The following HGSNAT variants were observed in gnomAD, a reference collection of about 807,000 sequenced individuals.
HGSNAT encodes heparan-alpha-glucosaminide N-acetyltransferase.
Under a neutral mutation model 85.2 loss-of-function variants are expected in HGSNAT, and 59 were observed. The ratio of observed to expected loss-of-function variants is 0.69; its 90% CI spans 0.56 to 0.86. The LOEUF (loss-of-function observed/expected upper bound fraction) is 0.86, where lower values mean the gene tolerates loss of function less well. HGSNAT is among the 40% of genes least tolerant of loss of function. HGSNAT has a pLI of 0.00. For missense variants in HGSNAT, 756 were observed against 777.1 expected (o/e 0.97, Z 0.32); for synonymous variants, 321 against 304.5 (o/e 1.05, Z -0.56).
intron 4 of HGSNAT, among the ~76,000 whole-genome samples, chr8:43,159,560 C>T (rs574062388): frequency 6.6e-6 from 1 of 152,094 alleles, no homozygotes; most frequent in African/African-American, 2.4e-5. Context: ...TGCACTGCAA[C>T]CTGGGTGATA....
chr8:43,198,280 CTTT>C (rs59416007), intron 17 of HGSNAT, among the ~76,000 whole-genome samples: 6 of 90,334 alleles, frequency 6.6e-5, no homozygotes, highest in Admixed American at 1.4e-4. Flanking sequence ...GTTTCTGGTT[CTTT>C]TTTTTTTTTT....
rs1804866174 is a variant in HGSNAT at position 43,199,976 on chromosome 8, C to T, written c.*407C>T. 6.4e-6 allele frequency: 1 copy of T among 155,410 alleles called. No homozygotes were observed. Among genetic ancestry groups the T allele is most frequent in the African/African-American group, 2.4e-5 (1 of 41,572 alleles). The allele number at this position is 155,410 out of a possible 1,614,324, so 9.6% of individuals were successfully genotyped here. A position where few individuals can be genotyped will look rare whatever the true frequency, so the allele number is the denominator to read the frequency against. ...CTTTCCACGTGTACGCGCACACCAA[C>T]ACGAAATGCCATCACTCCTACTGCG... On this transcript the variant is annotated 3_prime_UTR_variant, in exon 18 of 18. Transcript: ENST00000379644.
intron 9 of HGSNAT, chr8:43,174,228 A>T (rs917370831): frequency 2.6e-5 from 4 of 152,218 alleles, no homozygotes; most frequent in African/African-American, 9.7e-5. Flanking sequence ...AAAAAAAAAA[A>T]ATAAAAAAAA....
At chr8:43,165,312 T>G (rs1803399793) in intron 5 of HGSNAT, among the ~76,000 whole-genome samples, 1 of 152,158 alleles carries the variant, frequency 6.6e-6, no homozygotes, top group Non-Finnish European at 1.5e-5. Context: ...GATGGTGAAC[T>G]TAATCAGTAT....
intron 5 of HGSNAT, among the ~76,000 whole-genome samples, chr8:43,162,205 G>A (rs1260905578): frequency 1.3e-5 from 2 of 152,166 alleles, no homozygotes; most frequent in Non-Finnish European, 2.9e-5. Context: ...GAACCACAAG[G>A]TTTTATTGAT....
At chr8:43,163,510 T>C (rs190484592) in intron 5 of HGSNAT, among the ~76,000 whole-genome samples, 1 of 150,804 alleles carries the variant, frequency 6.6e-6, no homozygotes, top group African/African-American at 2.4e-5. Flanking sequence ...TCTTAACTTC[T>C]CCTTTTCACC....
chr8:43,186,347 C>A (rs914919115), intron 11 of HGSNAT, among the ~76,000 whole-genome samples: 3 of 152,112 alleles, frequency 2.0e-5, no homozygotes, highest in African/African-American at 7.2e-5. Context: ...GATTCAACTT[C>A]TTCCTGGTTT....
intron 5 of HGSNAT, among the ~76,000 whole-genome samples, chr8:43,165,764 C>T (rs940207199): frequency 6.6e-5 from 10 of 151,990 alleles, no homozygotes; most frequent in Non-Finnish European, 1.2e-4. Context: ...TGGCAAAACC[C>T]CATCTCTACT....
chr8:43,179,146 C>G (rs1295865163), intron 10 of HGSNAT, among the ~76,000 whole-genome samples: 4 of 147,466 alleles, frequency 2.7e-5, no homozygotes, highest in African/African-American at 1.0e-4. Flanking sequence ...CAGACGGGGT[C>G]GTGGCCGGGC....
At chr8:43,173,778 G>T in intron 9 of HGSNAT, 35 bp downstream of exon 9, 1 of 1,601,798 alleles carries the variant, frequency 6.2e-7, no homozygotes, top group Non-Finnish European at 8.5e-7. Flanking sequence ...TCTTCCACGG[G>T]TTGACTCCAA....
At chr8:43,143,704 ATT>A (rs754609672) in intron 1 of HGSNAT, among the ~76,000 whole-genome samples, 5 of 143,194 alleles carry the variant, frequency 3.5e-5, no homozygotes, top group Admixed American at 1.4e-4. Context: ...CGCCTGGCTA[ATT>A]TTTTTTTTTT....
rs1394721278 is a variant in HGSNAT, at chr8:43,202,824, T to C, written c.*3255T>C. 1 of 152,228 alleles carries C rather than the reference T, an allele frequency of 6.6e-6. No homozygotes were observed. The highest frequency in any genetic ancestry group is 2.4e-5 in the African/African-American group (1 of 41,452). 9.4% of individuals were successfully genotyped at this position (152,228 alleles called of 1,614,324 possible). ...TTTCCAAATAAATGGGGGAGACAAA[T>C]GGACTTTGAGTAAATTTCTTAGCAT... is the stretch of plus-strand genomic sequence containing the variant. On this transcript the variant is annotated 3_prime_UTR_variant, in exon 18 of 18. Coordinates refer to ENST00000379644, the MANE Select transcript of HGSNAT (RefSeq NM_152419.3).
intron 13 of HGSNAT, among the ~76,000 whole-genome samples, chr8:43,193,429 G>A (rs1386931678): frequency 3.3e-5 from 5 of 152,220 alleles, no homozygotes; most frequent in Admixed American, 2.6e-4. Context: ...GGAAGGTACC[G>A]TGCATTGCAT....
intron 11 of HGSNAT, among the ~76,000 whole-genome samples, chr8:43,186,312 A>G (rs1031959268): frequency 1.3e-5 from 2 of 152,190 alleles, no homozygotes; most frequent in African/African-American, 4.8e-5. Context: ...CTTCAATTTC[A>G]GAGCCTGTTA....
At chr8:43,165,223 G>T (rs939284131) in intron 5 of HGSNAT, among the ~76,000 whole-genome samples, 1 of 151,888 alleles carries the variant, frequency 6.6e-6, no homozygotes, top group Non-Finnish European at 1.5e-5. Context: ...TATTATATCT[G>T]TTATGGTGAT....
At chr8:43,180,108 C>A (rs1383921299) in intron 10 of HGSNAT, among the ~76,000 whole-genome samples, 3 of 129,622 alleles carry the variant, frequency 2.3e-5, no homozygotes, top group East Asian at 5.0e-4. Context: ...GCCGACCCCC[C>A]CCCCCACCGC....
At chr8:43,199,028 A>G (rs1365309496) in intron 17 of HGSNAT, among the ~76,000 whole-genome samples, 1 of 152,104 alleles carries the variant, frequency 6.6e-6, no homozygotes, top group East Asian at 1.9e-4. Flanking sequence ...CAGCCTCCCA[A>G]GAAGCTGGGA....
chr8:43,160,751 T>G (rs1191604173), intron 4 of HGSNAT, among the ~76,000 whole-genome samples: 1 of 152,214 alleles, frequency 6.6e-6, no homozygotes, highest in Non-Finnish European at 1.5e-5. Context: ...TTTAATATCC[T>G]TCTCCGGTGC....
chr8:43,143,581 A>G (rs1164973402), intron 1 of HGSNAT, among the ~76,000 whole-genome samples: 4 of 149,658 alleles, frequency 2.7e-5, no homozygotes, highest in Non-Finnish European at 4.4e-5. Flanking sequence ...TCTGTCGCCC[A>G]GGCTGGAGTG....
Sources: allele counts gnomAD v4.1 joint callset (sites outside exome capture counted in the v4.1 genomes callset), GRCh38; gene constraint gnomAD v4.1.1; transcripts MANE v1.5; gene names NCBI Gene and HGNC (gene_info 2026-07-23, HGNC 2026-07-21).